Variants in GPR158 observed in about 807,000 individuals in gnomAD.
GPR158 encodes the protein G protein-coupled receptor 158.
In GPR158, 30 loss-of-function variants were observed where a neutral mutation model predicts 78.2. That is an observed-to-expected ratio of 0.38 (90% CI 0.29 to 0.52). The LOEUF is 0.52. GPR158 is among the 20% of genes least tolerant of loss of function. The pLI is 0.83. For missense variants in GPR158, 1,463 were observed against 1,523.5 expected, an observed-to-expected ratio of 0.96 and a Z score of 0.66; for synonymous variants, 581 against 591.1, an observed-to-expected ratio of 0.98 and a Z score of 0.25.
At chr10:25,459,622 T>G (rs1484890458) in intron 4 of GPR158, among the ~76,000 whole-genome samples, 1 of 152,214 alleles carries the variant, frequency 6.6e-6, no homozygotes, top group East Asian at 1.9e-4. Flanking sequence ...ATAAGCCATT[T>G]TAATTACTTC....
intron 2 of GPR158, among the ~76,000 whole-genome samples, chr10:25,328,739 C>A (rs1371245237): frequency 6.6e-6 from 1 of 151,754 alleles, no homozygotes; most frequent in Non-Finnish European, 1.5e-5. Context: ...CCAACCTGGT[C>A]AACATGATGA....
Position 25,175,380 on chromosome 10 carries a change from T to TC in GPR158, c.-33dup, listed in dbSNP as rs55717617. 13,333 of 1,231,814 alleles carry TC rather than the reference T, an allele frequency of 0.011. 57 individuals are homozygous for TC. The highest frequency in any genetic ancestry group is 0.013 in the Non-Finnish European group (11,133 of 877,668). The allele number at this position is 1,231,814 out of a possible 1,614,324, so 76.3% of individuals were successfully genotyped here. A position where few individuals can be genotyped will look rare whatever the true frequency, so the allele number is the denominator to read the frequency against. ...TGACGATCCAAATTTAAAAAGTGAT[T>TC]CCCCCCCCTCCCGTTCCCTCCTCTT... On this transcript the variant is annotated 5_prime_UTR_variant, in exon 1 of 11. Coordinates refer to ENST00000376351, the MANE Select transcript of GPR158 (RefSeq NM_020752.3). The surrounding 1 kb of genome is among the most constrained non-coding windows in gnomAD (Gnocchi z 6.4).
intron 2 of GPR158, among the ~76,000 whole-genome samples, chr10:25,362,291 C>T (rs528206144): frequency 4.0e-5 from 6 of 151,868 alleles, no homozygotes; most frequent in Non-Finnish European, 8.8e-5. Context: ...TTTCTGGGCT[C>T]TCATCCTATT....
At chr10:25,506,531 A>G (rs1407445645) in intron 5 of GPR158, among the ~76,000 whole-genome samples, 3 of 152,252 alleles carry the variant, frequency 2.0e-5, no homozygotes, top group Admixed American at 6.5e-5. Context: ...ACTGTTAACC[A>G]CAAACCCCTT....
At chr10:25,597,402 C>T (rs1837423539) in intron 10 of GPR158, among the ~76,000 whole-genome samples, 2 of 152,174 alleles carry the variant, frequency 1.3e-5, no homozygotes, top group South Asian at 4.1e-4. Flanking sequence ...GTACAAAGTG[C>T]TTGCTCCTTG....
intron 2 of GPR158, among the ~76,000 whole-genome samples, chr10:25,228,961 G>A (rs953934171): frequency 6.6e-6 from 1 of 151,896 alleles, no homozygotes; most frequent in Admixed American, 6.6e-5. Context: ...TATGAACCCC[G>A]GAGGCGGGGT....
intron 1 of GPR158, among the ~76,000 whole-genome samples, chr10:25,219,432 T>C (rs546245069): frequency 6.6e-6 from 1 of 152,318 alleles, no homozygotes; most frequent in Non-Finnish European, 1.5e-5. Context: ...TAAACATTTG[T>C]TTTATTGCGT....
intron 1 of GPR158, among the ~76,000 whole-genome samples, chr10:25,201,185 A>G (rs1228122995): frequency 2.0e-5 from 3 of 151,946 alleles, no homozygotes; most frequent in African/African-American, 7.2e-5. Flanking sequence ...TATTTGAGCC[A>G]TGTTTTGTAA....
At chr10:25,417,048 T>C (rs1834672933) in intron 4 of GPR158, among the ~76,000 whole-genome samples, 1 of 152,054 alleles carries the variant, frequency 6.6e-6, no homozygotes, top group African/African-American at 2.4e-5. Context: ...AAATAAGTCA[T>C]AGTAGCCATA....
chr10:25,260,223 A>G (rs549860414), intron 2 of GPR158, among the ~76,000 whole-genome samples: 2 of 152,060 alleles, frequency 1.3e-5, no homozygotes, highest in African/African-American at 4.8e-5. Flanking sequence ...TTTGTTTTCT[A>G]TTTTGTACCT....
chr10:25,499,406 G>C (rs575577837), intron 5 of GPR158, among the ~76,000 whole-genome samples: 1 of 152,282 alleles, frequency 6.6e-6, no homozygotes, highest in East Asian at 1.9e-4. Context: ...TTGGTACCAA[G>C]GTGGTATGTG....
At chr10:25,217,039 A>G (rs751313527) in intron 1 of GPR158, among the ~76,000 whole-genome samples, 18 of 152,194 alleles carry the variant, frequency 1.2e-4, no homozygotes, top group Non-Finnish European at 2.4e-4. Flanking sequence ...CAAATATTAC[A>G]TAGAAAGCAG....
At chr10:25,510,583 G>A (rs1340783826) in intron 5 of GPR158, among the ~76,000 whole-genome samples, 3 of 151,898 alleles carry the variant, frequency 2.0e-5, no homozygotes, top group African/African-American at 4.8e-5. Flanking sequence ...GTTTTTTGGG[G>A]AACAGGTGGT....
rs771364846 is a variant in GPR158, at chr10:25,572,778, G to A, written c.1644G>A (p.Val548=). 2.5e-6 allele frequency: 4 copies of A among 1,613,404 alleles called. No individual in the cohort carries two copies. In the East Asian group the frequency reaches 8.9e-5, roughly 36 times the overall value. The change falls in exon 7 of 11, where the codon GTG becomes GTA. Residue 548 remains valine (V), a synonymous_variant. Transcript: ENST00000376351. ...FWFLIGWTSS[V]CQNLEKQISL... Reference sequence around the variant, plus strand: ...TTCTCATTGGCTGGACTTCATCTGTGTGCCAGAATTTGGAGAAACAGATTT... The same window carrying A: ...TTCTCATTGGCTGGACTTCATCTGTATGCCAGAATTTGGAGAAACAGATTT...
chr10:25,308,383 T>G (rs7905719), intron 2 of GPR158, among the ~76,000 whole-genome samples: 30,718 of 152,016 alleles, frequency 0.2, 5,235 homozygotes, highest in African/African-American at 0.47. Context: ...CTCCCACTTG[T>G]GAGAACATGT....
chr10:25,433,128 G>T (rs1834935237), intron 4 of GPR158, among the ~76,000 whole-genome samples: 2 of 152,076 alleles, frequency 1.3e-5, no homozygotes, highest in African/African-American at 4.8e-5. Context: ...ATGTTACTTG[G>T]GGAAGCTGGG....
intron 2 of GPR158, among the ~76,000 whole-genome samples, chr10:25,302,643 TCTTA>T (rs1854616090): frequency 6.6e-6 from 1 of 152,134 alleles, no homozygotes; most frequent in Admixed American, 6.6e-5. Flanking sequence ...CACATATTCT[TCTTA>T]CTTTTTTAAG....
chr10:25,297,649 T>C (rs187609894), intron 2 of GPR158, among the ~76,000 whole-genome samples: 52 of 152,308 alleles, frequency 3.4e-4, no homozygotes, highest in African/African-American at 9.9e-4. Flanking sequence ...AAAGTTCAGA[T>C]GGAGATTAAA....
At chr10:25,456,319 C>A (rs1386041243) in intron 4 of GPR158, among the ~76,000 whole-genome samples, 1 of 152,126 alleles carries the variant, frequency 6.6e-6, no homozygotes, top group African/African-American at 2.4e-5. Context: ...ATAACAAGTC[C>A]TGGAATGTTT....
Sources: gnomAD v4.1 joint callset for allele counts (sites outside exome capture counted in the v4.1 genomes callset) on GRCh38, gnomAD v4.1.1 for gene constraint, Gnocchi (gnomAD v3.1) non-coding constraint, MANE v1.5 for transcripts, NCBI Gene and HGNC (gene_info 2026-07-23, HGNC 2026-07-21) for gene names.